The following ZBTB20 variants were observed in gnomAD, a reference collection of about 807,000 sequenced individuals.
ZBTB20 encodes zinc finger and BTB domain containing 20.
Under a neutral mutation model 56.9 loss-of-function variants are expected in ZBTB20, and 9 were observed. That is an observed-to-expected ratio of 0.16 (90% CI 0.10 to 0.28). The LOEUF is 0.28. ZBTB20 is among the 10% of genes least tolerant of loss of function. The pLI, the probability that ZBTB20 is intolerant of heterozygous loss-of-function variation, is 1.00. For missense variants in ZBTB20, 655 were observed against 1,003.0 expected, an observed-to-expected ratio of 0.65 and a Z score of 4.69; for synonymous variants, 417 against 420.7, an observed-to-expected ratio of 0.99 and a Z score of 0.11.
intron 4 of ZBTB20, among the ~76,000 whole-genome samples, chr3:114,826,960 T>A (rs1451781980): frequency 6.6e-6 from 1 of 151,678 alleles, no homozygotes; most frequent in Non-Finnish European, 1.5e-5. Flanking sequence ...TGATGCTATA[T>A]TTGTGTCATG....
At chr3:114,874,378 C>A (rs2076118164) in intron 4 of ZBTB20, among the ~76,000 whole-genome samples, 1 of 152,096 alleles carries the variant, frequency 6.6e-6, no homozygotes, top group African/African-American at 2.4e-5. Context: ...ATACAAAGGG[C>A]ATTCTTAAGG....
intron 2 of ZBTB20, among the ~76,000 whole-genome samples, chr3:115,013,296 A>G (rs2079800692): frequency 1.3e-5 from 2 of 151,632 alleles, no homozygotes; most frequent in African/African-American, 4.8e-5. Flanking sequence ...AAAGGTAAAC[A>G]AAATTGACAA....
At chr3:114,978,506 A>G (rs2078198100) in intron 2 of ZBTB20, among the ~76,000 whole-genome samples, 1 of 151,686 alleles carries the variant, frequency 6.6e-6, no homozygotes, top group African/African-American at 2.4e-5. Flanking sequence ...TGGCAAGTGA[A>G]AATATATAAT....
rs2076797604 is a variant in ZBTB20, at chr3:114,943,747, T to C, written c.-456+30619A>G. On this transcript the variant is annotated intron_variant, in intron 3 of 11. Transcript: ENST00000675478. Reference sequence around the variant, plus strand: ...AACATGGTTAAAAAATGTTTTAACATACAAATATCTCTAGTCCCAGAAGGA... The same window carrying C: ...AACATGGTTAAAAAATGTTTTAACACACAAATATCTCTAGTCCCAGAAGGA... Among the ~76,000 whole-genome samples the C allele has an allele frequency of 1.4e-5, 2 of 144,624 alleles. 1 individual carries two copies. Among genetic ancestry groups the C allele is most frequent in the South Asian group, 4.3e-4 (2 of 4,638 alleles). 94.9% of individuals were successfully genotyped at this position (144,624 alleles called of 152,430 possible). A position where few individuals can be genotyped will look rare whatever the true frequency, so the allele number is the denominator to read the frequency against.
intron 5 of ZBTB20, among the ~76,000 whole-genome samples, chr3:114,702,501 T>TTTA (rs1420005359): frequency 6.6e-6 from 1 of 152,038 alleles, no homozygotes; most frequent in Non-Finnish European, 1.5e-5. Flanking sequence ...TTTCTGGTAA[T>TTTA]TATTATAAAG....
intron 7 of ZBTB20, among the ~76,000 whole-genome samples, chr3:114,491,417 C>T (rs1302650975): frequency 2.0e-5 from 3 of 152,206 alleles, no homozygotes; most frequent in Non-Finnish European, 2.9e-5. Flanking sequence ...CTCTACTTTC[C>T]TTAAATCTCT....
At position 114,350,566 on chromosome 3, in the gene ZBTB20, G is replaced by A. The variant is rs1257498330; in HGVS notation, c.1512C>T (p.Gly504=). ...TGAAGAGGGCTGGCAGGTAGGTGTT[G>A]CCAGCTGTGCCAATGACCTGCGTGT... is the stretch of plus-strand genomic sequence containing the variant. The part of the protein sequence containing the change: ...TSNTQVIGTA[G]NTYLPALFTT... Residue 504 remains glycine, a synonymous_variant, in exon 11 of 12, where the codon GGC becomes GGT. Transcript: ENST00000675478. The A allele has an allele frequency of 2.8e-5, 46 of 1,614,042 alleles. No homozygotes were observed. The highest frequency in any genetic ancestry group is 3.2e-5 in the Non-Finnish European group (38 of 1,180,032).
At chr3:114,791,162 A>C (rs563362045) in intron 5 of ZBTB20, among the ~76,000 whole-genome samples, 1 of 152,302 alleles carries the variant, frequency 6.6e-6, no homozygotes, top group South Asian at 2.1e-4. Context: ...CAGATAAGGA[A>C]AATGATGTTA....
intron 2 of ZBTB20, among the ~76,000 whole-genome samples, chr3:114,990,992 C>G (rs912963260): frequency 1.2e-4 from 18 of 151,956 alleles, no homozygotes; most frequent in African/African-American, 3.6e-4. Flanking sequence ...TGATTCTTTT[C>G]TCTTTTCTTC....
intron 2 of ZBTB20, among the ~76,000 whole-genome samples, chr3:115,064,313 G>A (rs772201106): frequency 1.2e-4 from 18 of 152,020 alleles, no homozygotes; most frequent in Middle Eastern, 3.4e-3. Context: ...AAACAATTCC[G>A]GAGAAAGCAA....
chr3:114,379,172 A>C (rs1273435636), intron 10 of ZBTB20: 1 of 152,220 alleles, frequency 6.6e-6, no homozygotes, highest in East Asian at 1.9e-4. Flanking sequence ...AAAGATTTAG[A>C]ATCTCATTTC....
chr3:114,703,512 T>A (rs900442267), intron 5 of ZBTB20, among the ~76,000 whole-genome samples: 1 of 151,912 alleles, frequency 6.6e-6, no homozygotes, highest in African/African-American at 2.4e-5. Flanking sequence ...ACTTTTTTTT[T>A]ATTCAAATAG....
In ZBTB20 at chr3:114,337,368, A is replaced by T. The variant is rs1194772950; in HGVS notation, c.*1637T>A. On this transcript the variant is annotated 3_prime_UTR_variant, in exon 12 of 12. Coordinates refer to ENST00000675478, the MANE Select transcript of ZBTB20 (RefSeq NM_001348800.3). ...TTCCTGGCTGATCACAAAAGAAAAG[A>T]CCCCATTTATCAAGACTTCTAGACT... The T allele has an allele frequency of 6.6e-6, 1 of 152,196 alleles. No individual in the cohort carries two copies. Among genetic ancestry groups the T allele is most frequent in the East Asian group, 1.9e-4 (1 of 5,200 alleles). 9.4% of individuals were successfully genotyped at this position (152,196 alleles called of 1,614,324 possible).
chr3:114,552,464 A>G (rs1200124668), intron 6 of ZBTB20, among the ~76,000 whole-genome samples: 1 of 151,558 alleles, frequency 6.6e-6, no homozygotes, highest in Non-Finnish European at 1.5e-5. Flanking sequence ...GTCATTCACT[A>G]ATCAGTTCTG....
rs1329273454 is a variant in ZBTB20 at position 114,317,999 on chromosome 3, G to C, written c.*21006C>G. The C allele has an allele frequency of 6.6e-6, 1 of 152,164 alleles. No individual in the cohort carries two copies. Among genetic ancestry groups the C allele is most frequent in the Non-Finnish European group, 1.5e-5 (1 of 68,044 alleles). The allele number at this position is 152,164 out of a possible 1,614,324, so 9.4% of individuals were successfully genotyped here. A position where few individuals can be genotyped will look rare whatever the true frequency, so the allele number is the denominator to read the frequency against. On this transcript the variant is annotated 3_prime_UTR_variant, in exon 12 of 12. Transcript: ENST00000675478. ...TGCTTTAGAGTCCAGAAAGGAATTT[G>C]TTTGTCTTGGTCTGGAAAGTGCCCC...
intron 5 of ZBTB20, among the ~76,000 whole-genome samples, chr3:114,755,945 C>A (rs2067980357): frequency 6.6e-6 from 1 of 152,112 alleles, no homozygotes; most frequent in Non-Finnish European, 1.5e-5. Flanking sequence ...AACTTTGCTG[C>A]AAGAAAGTTT....
chr3:114,424,485 G>A (rs1349818410), intron 7 of ZBTB20, among the ~76,000 whole-genome samples: 4 of 152,140 alleles, frequency 2.6e-5, no homozygotes, highest in Non-Finnish European at 5.9e-5. Flanking sequence ...TGTAATGCAC[G>A]CCAAAAAGAA....
chr3:115,126,896 A>G (rs2084348691), intron 1 of ZBTB20, among the ~76,000 whole-genome samples: 2 of 152,224 alleles, frequency 1.3e-5, no homozygotes, highest in Admixed American at 6.5e-5. Context: ...TGAATGAAAG[A>G]AAAAAGGAGA....
chr3:114,443,296 T>C (rs114008892), intron 7 of ZBTB20, among the ~76,000 whole-genome samples: 536 of 152,300 alleles, frequency 3.5e-3, no homozygotes, highest in Non-Finnish European at 6.3e-3. Context: ...GTTTCTAGTT[T>C]AGGCTACAGA....
Sources: gnomAD v4.1 joint callset for allele counts (sites outside exome capture counted in the v4.1 genomes callset) on GRCh38, gnomAD v4.1.1 for gene constraint, MANE v1.5 for transcripts, NCBI Gene and HGNC (gene_info 2026-07-23, HGNC 2026-07-21) for gene names.